CENPI: variants seen among roughly 807,000 people sequenced by gnomAD.
The protein encoded by CENPI is FSH primary response 1.
In CENPI, 4 loss-of-function variants were observed where a neutral mutation model predicts 60.4. That is an observed-to-expected ratio of 0.07 (90% CI 0.03 to 0.15). The LOEUF (loss-of-function observed/expected upper bound fraction) is 0.15. Ranked by LOEUF, CENPI falls within the 10% of genes least tolerant of loss-of-function variation. The probability of loss-of-function intolerance (pLI) is 1.00; values close to 1 mark genes in which losing one functional copy is unlikely to be tolerated. For synonymous variants in CENPI, 157 were observed against 189.4 expected (o/e 0.83, Z 1.40); for missense variants, 444 against 534.5 (o/e 0.83, Z 1.67).
the CENPI span, among the ~76,000 whole-genome samples, chrX:101,174,375 C>A: frequency 1.8e-5 from 2 of 111,968 alleles, no homozygotes; most frequent in Non-Finnish European, 3.8e-5. Context: ...CTCGTGTGTT[C>A]ATTGCAGCAC....
intron 15 of CENPI, among the ~76,000 whole-genome samples, chrX:101,134,385 A>G (rs2089826156): frequency 8.9e-6 from 1 of 111,745 alleles, no homozygotes; most frequent in African/African-American, 3.3e-5. Context: ...AATAAGAAGC[A>G]TGATTTAGAG....
At chrX:101,100,416 T>G (rs1257310703) in intron 2 of CENPI, 3 of 111,107 alleles carry the variant, frequency 2.7e-5, no homozygotes, top group Non-Finnish European at 5.7e-5. Context: ...GATGGATTAG[T>G]TTTTTTGTTT....
chrX:101,108,318 C>T (rs2089508649), intron 4 of CENPI, among the ~76,000 whole-genome samples: 2 of 110,305 alleles, frequency 1.8e-5, no homozygotes, highest in African/African-American at 3.3e-5. Flanking sequence ...TCAAGCAGTC[C>T]TCCGGCCTCA....
chrX:101,160,253 A>G (rs1602865582), intron 20 of CENPI, among the ~76,000 whole-genome samples: 1 of 111,396 alleles, frequency 9.0e-6, no homozygotes, highest in East Asian at 2.8e-4. Context: ...CAAAAACCCA[A>G]TGATTTGGAG....
intron 20 of CENPI, among the ~76,000 whole-genome samples, chrX:101,156,684 T>C (rs1319791862): frequency 1.8e-5 from 2 of 109,339 alleles, no homozygotes; most frequent in South Asian, 4.0e-4. Flanking sequence ...CCAGAGTCCA[T>C]TGTGTCATTC....
intron 5 of CENPI, 52 bp from the exon 6 acceptor site, chrX:101,109,839 C>G (rs764649491): frequency 1.5e-5 from 14 of 921,975 alleles, no homozygotes; most frequent in Non-Finnish European, 2.2e-5. Flanking sequence ...GAATTAAACT[C>G]TTCTGTACCA....
In CENPI at chrX:101,163,591, A is replaced by ATATGTG. The variant is rs1451537164; in HGVS notation, c.*632_*637dup. 7 of 112,796 alleles carry ATATGTG rather than the reference A, an allele frequency of 6.2e-5. No homozygotes were observed. The highest frequency in any genetic ancestry group is 2.3e-4 in the African/African-American group (7 of 30,806). The allele number at this position is 112,796 out of a possible 1,213,427, so 9.3% of individuals were successfully genotyped here. A position where few individuals can be genotyped will look rare whatever the true frequency, so the allele number is the denominator to read the frequency against. ...TTTTGTTTGTGTGTATTGTATATGT[A>ATATGTG]TATGTGTATGTGTGCGTGTATGTGT... On this transcript the variant is annotated 3_prime_UTR_variant, in exon 22 of 22. Transcript: ENST00000682095.
Position 101,163,022 on chromosome X carries a change from A to G in CENPI, c.*55A>G. On this transcript the variant is annotated 3_prime_UTR_variant, in exon 22 of 22. Transcript: ENST00000682095. Reference sequence around the variant, plus strand: ...GACTAAACTCACTCCTCATTGCTAGAGCAAAGTGGCTCATCTTGAGTTCCC... The same window carrying G: ...GACTAAACTCACTCCTCATTGCTAGGGCAAAGTGGCTCATCTTGAGTTCCC... The G allele has an allele frequency of 6.6e-5, 75 of 1,141,802 alleles. No homozygotes were observed. The highest frequency in any genetic ancestry group is 8.5e-5 in the Non-Finnish European group (72 of 843,989). The allele number at this position is 1,141,802 out of a possible 1,213,427, so 94.1% of individuals were successfully genotyped here. A position where few individuals can be genotyped will look rare whatever the true frequency, so the allele number is the denominator to read the frequency against.
intron 20 of CENPI, among the ~76,000 whole-genome samples, chrX:101,154,176 G>A (rs1206938663): frequency 8.9e-6 from 1 of 111,865 alleles, no homozygotes; most frequent in Non-Finnish European, 1.9e-5. Context: ...ATCAGAAAAT[G>A]TGAGTTCCCC....
At position 101,133,703 on chromosome X, in the gene CENPI, A is replaced by G. The variant is rs563025807; in HGVS notation, c.1470+1247A>G. 2.5e-4 allele frequency among the ~76,000 whole-genome samples: 28 copies of G among 111,725 alleles called. 1 individual carries two copies. In the South Asian group the frequency reaches 0.01, roughly 42 times the overall value. On this transcript the variant is annotated intron_variant, in intron 15 of 21. Coordinates refer to ENST00000682095, the MANE Select transcript of CENPI (RefSeq NM_001386188.2). ...AACAACCAGGAGAATAATAGTTCCA[A>G]GGAAACAAAGGGAATATAGGATATC...
In CENPI at chrX:101,163,152, T is replaced by C. The variant is rs1051162510; in HGVS notation, c.*185T>C. The C allele has an allele frequency of 1.3e-5, 5 of 394,213 alleles. No individual in the cohort carries two copies. The highest frequency in any genetic ancestry group is 1.1e-4 in the Admixed American group (2 of 18,355). 32.5% of individuals were successfully genotyped at this position (394,213 alleles called of 1,213,427 possible). On this transcript the variant is annotated 3_prime_UTR_variant, in exon 22 of 22. Coordinates refer to ENST00000682095, the MANE Select transcript of CENPI (RefSeq NM_001386188.2). The stretch of plus-strand genomic sequence containing the variant: ...TGTGCCTAACTGATTTTTCAAAATT[T>C]AGATTTTTTTAGCCTACCAGTGAAA...
Position 101,130,110 on chromosome X carries a change from CTT to C in CENPI, c.1287+39_1287+40del, listed in dbSNP as rs1213742989. ...CTTGCTTCTTCCACTCTCCACCACT[CTT>C]TACTAAAATTTATTTAGATATCCAT... is the stretch of plus-strand genomic sequence containing the variant. On this transcript the variant is annotated intron_variant, in intron 13 of 21. Transcript: ENST00000682095. 7 of 972,316 alleles carry C rather than the reference CTT, an allele frequency of 7.2e-6. No homozygotes were observed. The Admixed American group carries it at 1.6e-4, about 22-fold the overall frequency. 80.1% of individuals were successfully genotyped at this position (972,316 alleles called of 1,213,427 possible).
At chrX:101,115,959 C>CA (rs1179619925) in intron 6 of CENPI, among the ~76,000 whole-genome samples, 1 of 111,374 alleles carries the variant, frequency 9.0e-6, no homozygotes, top group Admixed American at 9.7e-5. Flanking sequence ...CTTCAAGGTT[C>CA]ATCCATTTGT....
intron 8 of CENPI, among the ~76,000 whole-genome samples, chrX:101,123,608 A>G (rs2089702574): frequency 9.1e-6 from 1 of 109,920 alleles, no homozygotes; most frequent in African/African-American, 3.3e-5. Flanking sequence ...TTTTTTAGAG[A>G]CGGGGGTCTC....
At position 101,142,457 on chromosome X, in the gene CENPI, C is replaced by T. The variant is rs759701544; in HGVS notation, c.1565+1697C>T. Among the ~76,000 whole-genome samples the T allele has an allele frequency of 6.3e-5, 7 of 111,295 alleles. No individual in the cohort carries two copies. The South Asian group carries it at 2.7e-3, about 43-fold the overall frequency. ...TAATGCCCTATTTTTATCATGTGAC[C>T]ATATGCCATATCACTGTCAAAAAGG... On this transcript the variant is annotated intron_variant, in intron 16 of 21. Coordinates refer to ENST00000682095, the MANE Select transcript of CENPI (RefSeq NM_001386188.2).
chrX:101,128,909 C>T lies in CENPI; in HGVS notation c.1195+73C>T, dbSNP rs1250966570. The T allele has an allele frequency of 4.5e-6, 4 of 886,012 alleles. No homozygotes were observed. The South Asian group carries it at 9.8e-5, about 22-fold the overall frequency. The allele number at this position is 886,012 out of a possible 1,213,427, so 73.0% of individuals were successfully genotyped here. On this transcript the variant is annotated intron_variant, in intron 12 of 21. Coordinates refer to ENST00000682095, the MANE Select transcript of CENPI (RefSeq NM_001386188.2). The stretch of plus-strand genomic sequence containing the variant: ...TTTTATAAGGGTGCCAAATTCTAGA[C>T]AGCAGGAGCCTTCATATGCTGTAAT...
chrX:101,154,285 A>G (rs2090033585), intron 20 of CENPI, among the ~76,000 whole-genome samples: 1 of 111,775 alleles, frequency 8.9e-6, no homozygotes, highest in Non-Finnish European at 1.9e-5. Context: ...TAAAGAATCC[A>G]GGCCGGGCAT....
chrX:101,153,441 G>C lies in CENPI; in HGVS notation c.2094+5280G>C, dbSNP rs191249193. 5.5e-4 allele frequency among the ~76,000 whole-genome samples: 60 copies of C among 109,159 alleles called. 1 individual carries two copies. Among genetic ancestry groups the C allele is most frequent in the African/African-American group, 1.9e-3 (57 of 30,037 alleles). 94.8% of individuals were successfully genotyped at this position (109,159 alleles called of 115,157 possible). On this transcript the variant is annotated intron_variant, in intron 20 of 21. Transcript: ENST00000682095. ...GCCTCCTGAGTAGCTGGGACTACAA[G>C]CGCACGCCACCACTCCTGACCGTTT...
chrX:101,180,613 A>G, the CENPI span, among the ~76,000 whole-genome samples: 1 of 112,238 alleles, frequency 8.9e-6, no homozygotes, highest in African/African-American at 3.2e-5. Context: ...ATGAAGTCCA[A>G]TTAATTTTTT....
Sources: allele counts gnomAD v4.1 joint callset (sites outside exome capture counted in the v4.1 genomes callset), GRCh38; gene constraint gnomAD v4.1.1; transcripts MANE v1.5; gene names NCBI Gene and HGNC (gene_info 2026-07-23, HGNC 2026-07-21).